Variants in MNAT1 observed in about 807,000 individuals in gnomAD.
MNAT1 encodes MNAT1 component of CDK activating kinase.
MNAT1 carries 43 observed loss-of-function variants against 42.0 expected under a neutral mutation model. The ratio of observed to expected loss-of-function variants is 1.02; its 90% CI spans 0.80 to 1.32. MNAT1 has a LOEUF of 1.32. Ranked by LOEUF, MNAT1 falls within the 40% of genes most tolerant of loss-of-function variation. MNAT1 has a pLI of 0.00. For missense variants in MNAT1, 306 were observed against 350.4 expected (o/e 0.87, Z 1.01); for synonymous variants, 118 against 120.0 (o/e 0.98, Z 0.11).
intron 6 of MNAT1, among the ~76,000 whole-genome samples, chr14:60,846,229 T>C (rs56775018): frequency 3.1e-3 from 477 of 152,178 alleles, no homozygotes; most frequent in African/African-American, 0.011. Context: ...TTGGTCAGTT[T>C]CTTCTAAGTT....
At chr14:60,821,845 A>C (rs2032899111) in intron 6 of MNAT1, among the ~76,000 whole-genome samples, 2 of 152,156 alleles carry the variant, frequency 1.3e-5, no homozygotes, top group South Asian at 2.1e-4. Flanking sequence ...ATTATTCAAA[A>C]AATTTTTTTG....
chr14:60,839,408 A>G (rs955755242), intron 6 of MNAT1, among the ~76,000 whole-genome samples: 1 of 152,182 alleles, frequency 6.6e-6, no homozygotes, highest in African/African-American at 2.4e-5. Context: ...CAGTCTCCTC[A>G]GAGCTGTTCT....
At chr14:60,895,818 A>G (rs959201498) in intron 7 of MNAT1, among the ~76,000 whole-genome samples, 1 of 152,146 alleles carries the variant, frequency 6.6e-6, no homozygotes, top group African/African-American at 2.4e-5. Context: ...CCGTTTTCCA[A>G]TATCTGCGTT....
intron 6 of MNAT1, among the ~76,000 whole-genome samples, chr14:60,875,378 C>A (rs1242390268): frequency 6.6e-6 from 1 of 152,004 alleles, no homozygotes; most frequent in South Asian, 2.1e-4. Flanking sequence ...GCTTCCATAT[C>A]CACAAAATGA....
intron 7 of MNAT1, among the ~76,000 whole-genome samples, chr14:60,967,453 A>G (rs2036702358): frequency 6.6e-6 from 1 of 152,186 alleles, no homozygotes; most frequent in Non-Finnish European, 1.5e-5. Flanking sequence ...TTGTTTCCAG[A>G]AGTGTTAGTA....
chr14:60,788,129 T>C (rs2031708923), intron 1 of MNAT1, among the ~76,000 whole-genome samples: 1 of 152,152 alleles, frequency 6.6e-6, no homozygotes, highest in South Asian at 2.1e-4. Flanking sequence ...AATGTCAGAA[T>C]TACTCCTTGA....
At chr14:60,914,555 G>A (rs1268100646) in intron 7 of MNAT1, among the ~76,000 whole-genome samples, 1 of 5,760 alleles carries the variant, frequency 1.7e-4, no homozygotes, top group South Asian at 5.1e-3. Flanking sequence ...CACAGATATG[G>A]TAAAAAAAAA....
In MNAT1 at chr14:60,909,253, T is replaced by C. The variant is rs2035288768; in HGVS notation, c.809+29418T>C. Reference sequence around the variant, plus strand: ...TTGTCAGATGAGTAGGTTGCAAAAATTTTCTCCCATTCTGTAGGTTGCCTG... The same window carrying C: ...TTGTCAGATGAGTAGGTTGCAAAAACTTTCTCCCATTCTGTAGGTTGCCTG... On this transcript the variant is annotated intron_variant, in intron 7 of 7. Coordinates refer to ENST00000261245, the MANE Select transcript of MNAT1 (RefSeq NM_002431.4). Among the ~76,000 whole-genome samples the C allele has an allele frequency of 2.6e-5, 4 of 152,302 alleles. No homozygotes were observed. In the South Asian group the frequency reaches 8.3e-4, roughly 32 times the overall value.
chr14:60,939,765 G>C (rs969213536), intron 7 of MNAT1, among the ~76,000 whole-genome samples: 1 of 152,164 alleles, frequency 6.6e-6, no homozygotes, highest in African/African-American at 2.4e-5. Flanking sequence ...GTGCAGAGCT[G>C]AGTTCAGTTC....
intron 5 of MNAT1, among the ~76,000 whole-genome samples, chr14:60,815,586 T>C (rs1473029642): frequency 1.3e-5 from 2 of 152,216 alleles, no homozygotes; most frequent in African/African-American, 4.8e-5. Context: ...AGCTCCCCTT[T>C]GATTCAGTGA....
In MNAT1 at chr14:60,907,332, C is replaced by T. The variant is rs1212262520; in HGVS notation, c.809+27497C>T. Among the ~76,000 whole-genome samples the T allele has an allele frequency of 6.0e-5, 9 of 149,748 alleles. No homozygotes were observed. The Admixed American group carries it at 6.1e-4, about 10-fold the overall frequency. The stretch of plus-strand genomic sequence containing the variant: ...CCTGTAGTCCCAGCTACTCAGGAGG[C>T]TGAGGCAGGAGAATCGCTTGAACCT... On this transcript the variant is annotated intron_variant, in intron 7 of 7. Transcript: ENST00000261245.
intron 7 of MNAT1, among the ~76,000 whole-genome samples, chr14:60,910,972 T>G (rs1423235478): frequency 1.3e-5 from 2 of 152,194 alleles, no homozygotes; most frequent in Non-Finnish European, 2.9e-5. Flanking sequence ...TTTTGATTGG[T>G]AAACTCTTAA....
intron 3 of MNAT1, among the ~76,000 whole-genome samples, chr14:60,803,435 G>A (rs758374663): frequency 3.3e-5 from 5 of 152,144 alleles, no homozygotes; most frequent in African/African-American, 4.8e-5. Context: ...TAAGAGACAG[G>A]CATTTTTATT....
rs144537162 is a variant in MNAT1 at position 60,783,160 on chromosome 14, G to A, written c.90-13057G>A. On this transcript the variant is annotated intron_variant, in intron 1 of 7. Coordinates refer to ENST00000261245, the MANE Select transcript of MNAT1 (RefSeq NM_002431.4). ...GGGTCTAAGCTTTCTAATAAGACCTGTTGGTTTGAATACTCCAGAACCACA... is the reference window on the plus strand; with the variant it reads ...GGGTCTAAGCTTTCTAATAAGACCTATTGGTTTGAATACTCCAGAACCACA... Among the ~76,000 whole-genome samples, 554 of 152,278 alleles carry A rather than the reference G, an allele frequency of 3.6e-3. 3 individuals carry two copies. The highest frequency in any genetic ancestry group is 0.013 in the African/African-American group (541 of 41,568).
intron 7 of MNAT1, among the ~76,000 whole-genome samples, chr14:60,921,982 G>T (rs1845084520): frequency 6.6e-6 from 1 of 151,994 alleles, no homozygotes; most frequent in Non-Finnish European, 1.5e-5. Flanking sequence ...TAGTAAATTT[G>T]TTTAATAACA....
chr14:60,837,126 A>C (rs1339585636), intron 6 of MNAT1, among the ~76,000 whole-genome samples: 2 of 152,146 alleles, frequency 1.3e-5, no homozygotes, highest in African/African-American at 2.4e-5. Flanking sequence ...GGCAGTGAGA[A>C]TTTCAAGCCA....
intron 7 of MNAT1, among the ~76,000 whole-genome samples, chr14:60,943,499 C>G (rs1179233861): frequency 6.6e-6 from 1 of 152,112 alleles, no homozygotes; most frequent in African/African-American, 2.4e-5. Flanking sequence ...TTAGGGTCAT[C>G]TTCTGGCTAA....
chr14:60,810,845 A>T (rs760581527), intron 4 of MNAT1, among the ~76,000 whole-genome samples: 26 of 152,110 alleles, frequency 1.7e-4, no homozygotes, highest in South Asian at 4.1e-4. Flanking sequence ...AATGTTCTGT[A>T]TATTTCTGTT....
At chr14:60,963,968 A>C in intron 7 of MNAT1, among the ~76,000 whole-genome samples, 1 of 152,170 alleles carries the variant, frequency 6.6e-6, no homozygotes, top group East Asian at 1.9e-4. Context: ...CTCTGCCCCT[A>C]GCTGAGAACT....
Sources: gnomAD v4.1 joint callset for allele counts (sites outside exome capture counted in the v4.1 genomes callset) on GRCh38, gnomAD v4.1.1 for gene constraint, MANE v1.5 for transcripts, NCBI Gene and HGNC (gene_info 2026-07-23, HGNC 2026-07-21) for gene names.